COG6: variants seen among roughly 807,000 people sequenced by gnomAD.
COG6 encodes conserved oligomeric Golgi complex subunit 6.
A neutral mutation model predicts 88.8 loss-of-function variants in COG6; 74 were observed. The ratio of observed to expected loss-of-function variants is 0.83; its 90% CI spans 0.69 to 1.01. COG6 has a LOEUF of 1.01. COG6 is among the 50% of genes least tolerant of loss of function. The pLI is 0.00. For missense variants in COG6, 800 were observed against 797.9 expected (o/e 1.00, Z -0.03); for synonymous variants, 286 against 278.7 (o/e 1.03, Z -0.26).
At chr13:39,662,669 T>C (rs1279081076) in intron 3 of COG6, among the ~76,000 whole-genome samples, 1 of 152,184 alleles carries the variant, frequency 6.6e-6, no homozygotes, top group Non-Finnish European at 1.5e-5. Context: ...CTCATAGCTT[T>C]CTGATTGAAT....
At chr13:39,659,870 A>G (rs1243229518) in intron 2 of COG6, among the ~76,000 whole-genome samples, 1 of 152,224 alleles carries the variant, frequency 6.6e-6, no homozygotes, top group East Asian at 1.9e-4. Context: ...ATTAATTAGA[A>G]TTGAGTTACT....
chr13:39,763,810 A>G (rs1881090820), intron 18 of COG6, among the ~76,000 whole-genome samples: 1 of 151,804 alleles, frequency 6.6e-6, no homozygotes, highest in South Asian at 2.1e-4. Flanking sequence ...TTTATTTTAT[A>G]TGATAACACT....
At chr13:39,740,455 A>G (rs1453206371) in intron 18 of COG6, among the ~76,000 whole-genome samples, 1 of 152,200 alleles carries the variant, frequency 6.6e-6, no homozygotes, top group Non-Finnish European at 1.5e-5. Flanking sequence ...AAAAGAGGAT[A>G]TTGTTTAGAA....
intron 16 of COG6, 90 bp from the exon 17 acceptor site, chr13:39,724,418 C>T (rs1444998910): frequency 1.0e-6 from 1 of 985,950 alleles, no homozygotes; most frequent in East Asian, 2.4e-5. Context: ...TTGGGCAGTG[C>T]ACTAATGAAC....
intron 18 of COG6, among the ~76,000 whole-genome samples, chr13:39,765,154 A>T (rs1483979404): frequency 1.9e-5 from 1 of 52,776 alleles, no homozygotes; most frequent in African/African-American, 6.4e-5. Context: ...TTTGTTCCTT[A>T]AAAAAGAGTC....
At chr13:39,762,633 AC>A (rs60120504) in intron 18 of COG6, among the ~76,000 whole-genome samples, 40,722 of 151,550 alleles carry the variant, frequency 0.27, 6,049 homozygotes, top group Non-Finnish European at 0.35. Flanking sequence ...ATAAATAAGT[AC>A]AATTAAAAAA....
intron 7 of COG6, 74 bp downstream of exon 7, chr13:39,680,119 A>C: frequency 1.2e-6 from 1 of 834,468 alleles, no homozygotes; most frequent in Non-Finnish European, 2.0e-6. Context: ...CTTGGTCTTT[A>C]TTTGATATAT....
At chr13:39,728,865 A>G (rs1177972880) in intron 18 of COG6, among the ~76,000 whole-genome samples, 1 of 152,028 alleles carries the variant, frequency 6.6e-6, no homozygotes, top group Non-Finnish European at 1.5e-5. Flanking sequence ...GGGTGTCACC[A>G]TATTGGCCAG....
At position 39,752,543 on chromosome 13, in the gene COG6, C is replaced by A. The variant is rs1412268594; in HGVS notation, c.*1450C>A. Reference sequence around the variant, plus strand: ...TTTCTACAGAGAAAGAAGATTGATACCTTGCTATGAGTGAATTCCTTTGTT... The same window carrying A: ...TTTCTACAGAGAAAGAAGATTGATAACTTGCTATGAGTGAATTCCTTTGTT... On this transcript the variant is annotated 3_prime_UTR_variant, in exon 19 of 19. Coordinates refer to ENST00000455146, the MANE Select transcript of COG6 (RefSeq NM_020751.3). 3 of 1,234,536 alleles carry A rather than the reference C, an allele frequency of 2.4e-6. No individual in the cohort carries two copies. Among genetic ancestry groups the A allele is most frequent in the South Asian group, 1.3e-5 (1 of 76,252 alleles). The allele number at this position is 1,234,536 out of a possible 1,614,324, so 76.5% of individuals were successfully genotyped here. A position where few individuals can be genotyped will look rare whatever the true frequency, so the allele number is the denominator to read the frequency against.
chr13:39,670,041 A>G (rs1306070875), intron 4 of COG6, among the ~76,000 whole-genome samples: 1 of 152,146 alleles, frequency 6.6e-6, no homozygotes, highest in East Asian at 1.9e-4. Context: ...GGATTATTTG[A>G]ATAATACGAT....
chr13:39,750,812 G>C (rs1880581127), intron 18 of COG6, 134 bp from the exon 19 acceptor site: 1 of 687,282 alleles, frequency 1.5e-6, no homozygotes, highest in Admixed American at 2.2e-5. Flanking sequence ...TAGCCATATA[G>C]TGATTATTAA....
intron 8 of COG6, 137 bp downstream of exon 8, chr13:39,682,401 A>G (rs1378428184): frequency 1.6e-6 from 1 of 634,158 alleles, no homozygotes; most frequent in African/African-American, 1.8e-5. Flanking sequence ...TGTTCACCTT[A>G]ACTTGAATTT....
chr13:39,723,435 G>T lies in COG6; in HGVS notation c.1687G>T (p.Glu563Ter). The change falls in exon 16 of 19, where the codon GAA becomes TAA. Residue 563 changes from glutamate (E) to a stop codon, truncating the protein, a stop_gained. Transcript: ENST00000455146. LOFTEE classifies it high-confidence loss of function. ...IYNTVQQHKP[E>*]QGSLANMPNL... ...TAACACTGTACAGCAACATAAACCT[G>T]AACAGGTAAGTGCATAGATGTTCCT... 2 of 1,558,616 alleles carry T rather than the reference G, an allele frequency of 1.3e-6. No homozygotes were observed. Among genetic ancestry groups the T allele is most frequent in the Middle Eastern group, 3.4e-4 (2 of 5,966 alleles).
intron 4 of COG6, among the ~76,000 whole-genome samples, chr13:39,674,722 A>C (rs1293295798): frequency 6.6e-6 from 1 of 152,164 alleles, no homozygotes; most frequent in African/African-American, 2.4e-5. Context: ...TAGCATGATG[A>C]AATCTCAAGT....
At chr13:39,669,688 A>G (rs1198546309) in intron 4 of COG6, among the ~76,000 whole-genome samples, 7 of 152,214 alleles carry the variant, frequency 4.6e-5, no homozygotes, top group South Asian at 2.1e-4. Context: ...AATAATGTAT[A>G]TAGGAGACAA....
In COG6 at chr13:39,752,226, GA is replaced by G; in HGVS notation, c.*1140del. ...ACAAATGAGAAAATTGAAGCACAAG[GA>G]AAAAAATAACTAGTTTGAAATATTT... On this transcript the variant is annotated 3_prime_UTR_variant, in exon 19 of 19. Coordinates refer to ENST00000455146, the MANE Select transcript of COG6 (RefSeq NM_020751.3). The G allele has an allele frequency of 2.8e-6, 3 of 1,053,106 alleles. No homozygotes were observed. The highest frequency in any genetic ancestry group is 3.7e-6 in the Non-Finnish European group (3 of 819,378). The allele number at this position is 1,053,106 out of a possible 1,614,324, so 65.2% of individuals were successfully genotyped here. A position where few individuals can be genotyped will look rare whatever the true frequency, so the allele number is the denominator to read the frequency against.
At chr13:39,714,139 C>G (rs1181797516) in intron 13 of COG6, among the ~76,000 whole-genome samples, 1 of 152,082 alleles carries the variant, frequency 6.6e-6, no homozygotes, top group Non-Finnish European at 1.5e-5. Context: ...TTCCTTTCAA[C>G]TTTCTCCCAT....
intron 8 of COG6, among the ~76,000 whole-genome samples, chr13:39,685,945 G>A (rs4363738): frequency 0.72 from 109,879 of 151,952 alleles, 40,000 homozygotes; most frequent in Admixed American, 0.81. Flanking sequence ...ACCATAGTCT[G>A]GTTAATAGTA....
chr13:39,702,315 T>C (rs1877625279), intron 13 of COG6, among the ~76,000 whole-genome samples: 1 of 151,992 alleles, frequency 6.6e-6, no homozygotes, highest in Non-Finnish European at 1.5e-5. Context: ...TTTTAGGTAG[T>C]ATAACACCGA....
Sources: allele counts gnomAD v4.1 joint callset (sites outside exome capture counted in the v4.1 genomes callset), GRCh38; gene constraint gnomAD v4.1.1; transcripts MANE v1.5; gene names NCBI Gene and HGNC (gene_info 2026-07-23, HGNC 2026-07-21).